The following ROR1 variants were observed in gnomAD, a reference collection of about 807,000 sequenced individuals.
The protein encoded by ROR1 is ROR family WNT receptor 1, also known as inactive tyrosine-protein kinase transmembrane receptor ROR1.
A neutral mutation model predicts 78.8 loss-of-function variants in ROR1; 19 were observed. The observed-to-expected ratio is 0.24, with a 90% CI of 0.17 to 0.35. ROR1 has a LOEUF of 0.35. Among genes scored for constraint, ROR1 ranks in the 10% least tolerant of loss-of-function variants. The pLI, the probability that ROR1 is intolerant of heterozygous loss-of-function variation, is 1.00. For missense variants in ROR1, 917 were observed against 1,177.8 expected, an observed-to-expected ratio of 0.78 and a Z score of 3.24; for synonymous variants, 386 against 433.6, an observed-to-expected ratio of 0.89 and a Z score of 1.36.
intron 2 of ROR1, among the ~76,000 whole-genome samples, chr1:64,023,828 G>A (rs1275715253): frequency 1.3e-5 from 2 of 152,056 alleles, no homozygotes; most frequent in Admixed American, 1.3e-4. Context: ...ATATGGTTTG[G>A]CTCTGTGTCC....
chr1:64,162,704 C>T (rs942068940), intron 8 of ROR1, among the ~76,000 whole-genome samples: 45 of 152,318 alleles, frequency 3.0e-4, no homozygotes, highest in African/African-American at 1.0e-3. Flanking sequence ...CCATTCAATC[C>T]TCTAACGAGT....
intron 1 of ROR1, among the ~76,000 whole-genome samples, chr1:63,784,220 T>G (rs1644670684): frequency 6.6e-6 from 1 of 152,194 alleles, no homozygotes; most frequent in Admixed American, 6.5e-5. Context: ...TATTTCTCTC[T>G]TCCTTTTAAA....
At position 63,863,419 on chromosome 1, in the gene ROR1, T is replaced by A. The variant is rs187791991; in HGVS notation, c.91+88911T>A. Among the ~76,000 whole-genome samples, 210 of 152,256 alleles carry A rather than the reference T, an allele frequency of 1.4e-3. 1 individual carries two copies. Among genetic ancestry groups the A allele is most frequent in the African/African-American group, 4.7e-3 (197 of 41,566 alleles). On this transcript the variant is annotated intron_variant, in intron 1 of 8. Coordinates refer to ENST00000371079, the MANE Select transcript of ROR1 (RefSeq NM_005012.4). Reference sequence around the variant, plus strand: ...GGTGCTGGCCCTTACACACAGGGTCTATCTGGGCAAGTCATGCCTGTCTTT... The same window carrying A: ...GGTGCTGGCCCTTACACACAGGGTCAATCTGGGCAAGTCATGCCTGTCTTT...
At chr1:63,883,045 A>G (rs770742665) in intron 1 of ROR1, among the ~76,000 whole-genome samples, 2 of 152,214 alleles carry the variant, frequency 1.3e-5, no homozygotes, top group Non-Finnish European at 2.9e-5. Context: ...TCAGGTTCTC[A>G]ATGAAGCCTC....
At chr1:64,171,273 T>TA (rs1320015037) in intron 8 of ROR1, 1 of 158,228 alleles carries the variant, frequency 6.3e-6, no homozygotes, top group Non-Finnish European at 1.4e-5. Flanking sequence ...AGTCACATCT[T>TA]ACGTGGATGG....
intron 2 of ROR1, among the ~76,000 whole-genome samples, chr1:64,037,824 T>C (rs834475): frequency 0.65 from 98,756 of 152,012 alleles, 35,948 homozygotes; most frequent in East Asian, 0.88. Flanking sequence ...TCAGCAGATA[T>C]GCATGGTACA....
At chr1:64,062,819 T>C (rs1646927524) in intron 4 of ROR1, among the ~76,000 whole-genome samples, 1 of 152,160 alleles carries the variant, frequency 6.6e-6, no homozygotes, top group Admixed American at 6.5e-5. Flanking sequence ...ATGAATAATC[T>C]TGATGATGTT....
At chr1:64,036,351 T>C (rs893074172) in intron 2 of ROR1, among the ~76,000 whole-genome samples, 1 of 152,160 alleles carries the variant, frequency 6.6e-6, no homozygotes, top group Non-Finnish European at 1.5e-5. Flanking sequence ...AAACTCACAG[T>C]GTGGAAGGAC....
chr1:63,986,401 G>A (rs1646252535), intron 1 of ROR1, among the ~76,000 whole-genome samples: 1 of 152,162 alleles, frequency 6.6e-6, no homozygotes, highest in African/African-American at 2.4e-5. Flanking sequence ...GAAAGAAAGG[G>A]AAGAGGAATG....
chr1:63,817,707 A>G (rs1417772765), intron 1 of ROR1, among the ~76,000 whole-genome samples: 1 of 152,042 alleles, frequency 6.6e-6, no homozygotes, highest in Non-Finnish European at 1.5e-5. Flanking sequence ...AGTTACTGGG[A>G]CTCACTCGAG....
intron 4 of ROR1, among the ~76,000 whole-genome samples, chr1:64,067,710 C>CTTTTTTTTTTTTTTTTTTTTTT (rs986756579): frequency 4.7e-5 from 5 of 105,644 alleles, no homozygotes; most frequent in African/African-American, 2.1e-4. Flanking sequence ...TAAATAAATT[C>CTTTTTTTTTTTTTTTTTTTTTT]TTTTTTTTTT....
chr1:63,788,972 T>G, intron 1 of ROR1: 1 of 671,434 alleles, frequency 1.5e-6, no homozygotes, highest in Admixed American at 1.8e-5. Context: ...TCTTCTTAGA[T>G]ATGCGGTATC....
chr1:64,141,490 A>G (rs1456559704), intron 6 of ROR1, among the ~76,000 whole-genome samples: 1 of 152,104 alleles, frequency 6.6e-6, no homozygotes, highest in Non-Finnish European at 1.5e-5. Context: ...GTCACCTCCC[A>G]CCAGGCCCCA....
At chr1:64,022,733 T>G (rs1213625584) in intron 2 of ROR1, among the ~76,000 whole-genome samples, 1 of 152,214 alleles carries the variant, frequency 6.6e-6, no homozygotes, top group South Asian at 2.1e-4. Flanking sequence ...TAAATTGACT[T>G]GAATATATGT....
At chr1:63,781,105 G>A (rs755822157) in intron 1 of ROR1, among the ~76,000 whole-genome samples, 2 of 152,062 alleles carry the variant, frequency 1.3e-5, no homozygotes, top group African/African-American at 2.4e-5. Flanking sequence ...GCAGAGGTTG[G>A]GTTTGATATT....
intron 1 of ROR1, among the ~76,000 whole-genome samples, chr1:63,799,880 T>C (rs926256937): frequency 6.6e-5 from 10 of 152,180 alleles, no homozygotes; most frequent in Admixed American, 5.2e-4. Flanking sequence ...AGGGAGACAG[T>C]GGGAGCTGCC....
chr1:64,175,387 G>A (rs1650353822), intron 8 of ROR1, among the ~76,000 whole-genome samples: 1 of 151,702 alleles, frequency 6.6e-6, no homozygotes, highest in African/African-American at 2.4e-5. Context: ...TTCAAATGTG[G>A]AATATTCTAT....
intron 1 of ROR1, among the ~76,000 whole-genome samples, chr1:63,857,415 G>A (rs1001442933): frequency 3.9e-5 from 6 of 152,124 alleles, no homozygotes; most frequent in Non-Finnish European, 5.9e-5. Context: ...TAACTTTTAG[G>A]TATCTGTTTT....
Position 63,829,204 on chromosome 1 carries a change from A to G in ROR1, c.91+54696A>G, listed in dbSNP as rs551732182. Reference sequence around the variant, plus strand: ...CCTTGGATCCTTTGTTTGATTCCCCATTTGTTTCATATGGCATATGTGGGT... The same window carrying G: ...CCTTGGATCCTTTGTTTGATTCCCCGTTTGTTTCATATGGCATATGTGGGT... On this transcript the variant is annotated intron_variant, in intron 1 of 8. Coordinates refer to ENST00000371079, the MANE Select transcript of ROR1 (RefSeq NM_005012.4). 7.9e-5 allele frequency among the ~76,000 whole-genome samples: 12 copies of G among 152,324 alleles called. No individual in the cohort carries two copies. The East Asian group carries it at 2.3e-3, about 29-fold the overall frequency.
Sources: allele counts gnomAD v4.1 joint callset (sites outside exome capture counted in the v4.1 genomes callset), GRCh38; gene constraint gnomAD v4.1.1; transcripts MANE v1.5; gene names NCBI Gene and HGNC (gene_info 2026-07-23, HGNC 2026-07-21).